Variants in ZFHX3 observed in about 807,000 individuals in gnomAD.
The protein encoded by ZFHX3 is zinc finger homeobox 3, also known as zinc finger homeobox protein 3.
In ZFHX3, 42 loss-of-function variants were observed where a neutral mutation model predicts 279.1. That is an observed-to-expected ratio of 0.15 (90% CI 0.12 to 0.19). The LOEUF is 0.19. Among genes scored for constraint, ZFHX3 ranks in the 10% least tolerant of loss-of-function variants. The pLI is 1.00. For synonymous variants in ZFHX3, 2,293 were observed against 1,957.8 expected (o/e 1.17, Z -4.52); for missense variants, 4,981 against 4,754.0 (o/e 1.05, Z -1.40).
chr16:72,789,090 G>T lies in ZFHX3; in HGVS notation c.9428-242C>A, dbSNP rs541646339. The T allele has an allele frequency of 3.7e-4, 159 of 425,576 alleles. 1 individual carries two copies. The highest frequency in any genetic ancestry group is 5.7e-4 in the Non-Finnish European group (139 of 244,138). The allele number at this position is 425,576 out of a possible 1,614,324, so 26.4% of individuals were successfully genotyped here. ...TCCCCTTTCAGCCAAACAACTTCCA[G>T]AAGTATCCCACCAGGCTCAGAGCTG... On this transcript the variant is annotated intron_variant, in intron 9 of 9. Coordinates refer to ENST00000268489, the MANE Select transcript of ZFHX3 (RefSeq NM_006885.4).
chr16:73,303,857 G>A (rs962191221), intron 4 of ZFHX3, among the ~76,000 whole-genome samples: 1 of 148,410 alleles, frequency 6.7e-6, no homozygotes, highest in Non-Finnish European at 1.5e-5. Flanking sequence ...CTCGAAACAG[G>A]ATCAGTGGAA....
intron 2 of ZFHX3, among the ~76,000 whole-genome samples, chr16:73,617,661 T>C (rs2052318469): frequency 6.6e-6 from 1 of 152,116 alleles, no homozygotes; most frequent in Non-Finnish European, 1.5e-5. Flanking sequence ...GCGAAAGGTA[T>C]TGTCTTTGTT....
At chr16:73,029,682 G>GGATTTATT (rs1964626274) in intron 1 of ZFHX3, among the ~76,000 whole-genome samples, 1 of 152,184 alleles carries the variant, frequency 6.6e-6, no homozygotes, top group African/African-American at 2.4e-5. Context: ...CAAGGCCATC[G>GGATTTATT]CCCAAGTGGG....
At chr16:73,291,969 T>G (rs2014782909) in intron 4 of ZFHX3, among the ~76,000 whole-genome samples, 1 of 152,172 alleles carries the variant, frequency 6.6e-6, no homozygotes, top group South Asian at 2.1e-4. Context: ...TGGATAGAGC[T>G]CTCTGTACCT....
At chr16:73,155,183 A>AC (rs200962482) in intron 5 of ZFHX3, among the ~76,000 whole-genome samples, 5,975 of 150,598 alleles carry the variant, frequency 0.04, 388 homozygotes, top group African/African-American at 0.14. Flanking sequence ...AAAAAAACAA[A>AC]AAAAAAAAAA....
At chr16:73,116,967 G>A (rs974463502) in intron 7 of ZFHX3, among the ~76,000 whole-genome samples, 1 of 152,216 alleles carries the variant, frequency 6.6e-6, no homozygotes, top group African/African-American at 2.4e-5. Flanking sequence ...TTTGTGAAGT[G>A]TCTGGGAACA....
chr16:73,465,697 G>A (rs551277026), intron 2 of ZFHX3, among the ~76,000 whole-genome samples: 5 of 152,258 alleles, frequency 3.3e-5, no homozygotes, highest in African/African-American at 9.6e-5. Context: ...CTTTGCTTAC[G>A]TCTTCCCCCT....
intron 1 of ZFHX3, among the ~76,000 whole-genome samples, chr16:73,810,951 T>G (rs1328950899): frequency 6.6e-6 from 1 of 152,152 alleles, no homozygotes; most frequent in Non-Finnish European, 1.5e-5. Context: ...AAATTCTTCC[T>G]TTCTCTGGGC....
chr16:72,902,628 G>C (rs2039067594), intron 3 of ZFHX3, among the ~76,000 whole-genome samples: 2 of 152,188 alleles, frequency 1.3e-5, no homozygotes, highest in East Asian at 3.9e-4. Context: ...TTCCTTAATT[G>C]TCCAGCAGAG....
At chr16:73,647,520 T>C (rs771782966) in intron 2 of ZFHX3, among the ~76,000 whole-genome samples, 3 of 152,198 alleles carry the variant, frequency 2.0e-5, no homozygotes, top group African/African-American at 2.4e-5. Flanking sequence ...CCTTCCGCCA[T>C]GATTGTTAAG....
At chr16:73,607,096 T>C (rs2052195533) in intron 2 of ZFHX3, among the ~76,000 whole-genome samples, 1 of 152,262 alleles carries the variant, frequency 6.6e-6, no homozygotes. Flanking sequence ...TGGCACACTC[T>C]TGGCTCACTG....
chr16:73,135,292 C>T (rs776397485), intron 6 of ZFHX3, among the ~76,000 whole-genome samples: 19 of 152,078 alleles, frequency 1.2e-4, no homozygotes, highest in Non-Finnish European at 1.9e-4. Context: ...CAGTACACAC[C>T]GAGTTCATTC....
At chr16:73,148,418 T>C (rs73595206) in intron 5 of ZFHX3, among the ~76,000 whole-genome samples, 3,733 of 152,310 alleles carry the variant, frequency 0.025, 167 homozygotes, top group African/African-American at 0.086. Flanking sequence ...TACAGCAATT[T>C]CCATGGTTCC....
chr16:73,098,055 C>T (rs1330821158), intron 7 of ZFHX3, among the ~76,000 whole-genome samples: 1 of 145,920 alleles, frequency 6.9e-6, no homozygotes, highest in Non-Finnish European at 1.5e-5. Flanking sequence ...CAAGTATCTG[C>T]GTCCCTTGTG....
chr16:73,402,473 T>C (rs907057287), intron 3 of ZFHX3: 1 of 152,238 alleles, frequency 6.6e-6, no homozygotes, highest in Non-Finnish European at 1.5e-5. Flanking sequence ...AATGTTGCAG[T>C]CATGTCATAT....
chr16:73,228,959 C>T (rs1453672362), intron 5 of ZFHX3, among the ~76,000 whole-genome samples: 2 of 152,088 alleles, frequency 1.3e-5, no homozygotes, highest in Non-Finnish European at 2.9e-5. Context: ...GACTACAACT[C>T]CAGAACTGAT....
chr16:73,797,706 T>C (rs900947400), intron 1 of ZFHX3, among the ~76,000 whole-genome samples: 2 of 152,146 alleles, frequency 1.3e-5, no homozygotes, highest in Admixed American at 1.3e-4. Context: ...GCACTCTATT[T>C]CTGGCTCTGC....
intron 5 of ZFHX3, among the ~76,000 whole-genome samples, chr16:73,156,211 G>GT (rs1567404875): frequency 2.3e-5 from 3 of 131,196 alleles, no homozygotes; most frequent in Non-Finnish European, 4.7e-5. Flanking sequence ...CAGCCTGGGC[G>GT]ACAGAGTGAG....
At chr16:73,197,019 C>A (rs1017076797) in intron 5 of ZFHX3, among the ~76,000 whole-genome samples, 3 of 152,086 alleles carry the variant, frequency 2.0e-5, no homozygotes, top group Non-Finnish European at 4.4e-5. Context: ...CTAAGTAGGG[C>A]GTCTTTACCA....
Sources: gnomAD v4.1 joint callset for allele counts (sites outside exome capture counted in the v4.1 genomes callset) on GRCh38, gnomAD v4.1.1 for gene constraint, MANE v1.5 for transcripts, NCBI Gene and HGNC (gene_info 2026-07-23, HGNC 2026-07-21) for gene names.